Variants in KIF13B observed in about 807,000 individuals in gnomAD.
KIF13B encodes kinesin-like protein KIF13B.
A neutral mutation model predicts 222.0 loss-of-function variants in KIF13B; 127 were observed. That is an observed-to-expected ratio of 0.57 (90% CI 0.50 to 0.66). The LOEUF is 0.66. Ranked by LOEUF, KIF13B falls within the 30% of genes least tolerant of loss-of-function variation. The pLI is 0.00. For synonymous variants in KIF13B, 976 were observed against 919.0 expected (o/e 1.06, Z -1.12); for missense variants, 2,173 against 2,379.0 (o/e 0.91, Z 1.80).
Position 29,137,449 on chromosome 8 carries a change from C to T in KIF13B, c.2613+2614G>A, listed in dbSNP as rs1260714641. Among the ~76,000 whole-genome samples the T allele has an allele frequency of 4.6e-5, 7 of 152,214 alleles. No homozygotes were observed. In the South Asian group the frequency reaches 8.3e-4, roughly 18 times the overall value. ...AGGAGCCCAGGAATGTCTGCAGGCA[C>T]GGATGCTGCGCCCAGGTTTTTAAAT... On this transcript the variant is annotated intron_variant, in intron 21 of 39. Transcript: ENST00000524189.
In KIF13B at chr8:29,147,531, G is replaced by A; in HGVS notation, c.1885C>T (p.Gln629Ter). ...EEEKRSALER[Q>*]RLMYEHELEQ... ...AATTCGTGCTCATACATAAGCCTCT[G>A]GCGCTCCAGTGCAGATCGTTTTTCT... The change falls in exon 17 of 40, where the codon CAG (glutamine) becomes TAG (stop). Residue 629 changes from glutamine (Q) to a stop codon, truncating the protein, a stop_gained. Transcript: ENST00000524189. LOFTEE classifies it high-confidence loss of function. The A allele has an allele frequency of 6.2e-7, 1 of 1,613,728 alleles. No homozygotes were observed. Among genetic ancestry groups the A allele is most frequent in the Non-Finnish European group, 8.5e-7 (1 of 1,179,846 alleles).
At chr8:29,087,965 A>G (rs1031493221) in intron 37 of KIF13B, among the ~76,000 whole-genome samples, 2 of 152,098 alleles carry the variant, frequency 1.3e-5, no homozygotes, top group African/African-American at 4.8e-5. Context: ...TGTATATAAG[A>G]AGATTATACA....
At chr8:29,115,493 A>AT (rs2129656044) in intron 31 of KIF13B, among the ~76,000 whole-genome samples, 2 of 151,750 alleles carry the variant, frequency 1.3e-5, no homozygotes, top group South Asian at 4.2e-4. Flanking sequence ...CACCCAGCTA[A>AT]TTTTGTAGTT....
At chr8:29,227,492 G>A (rs959375764) in intron 2 of KIF13B, among the ~76,000 whole-genome samples, 1 of 152,144 alleles carries the variant, frequency 6.6e-6, no homozygotes, top group Non-Finnish European at 1.5e-5. Context: ...GTTTCACCAT[G>A]TTGGACAGGC....
chr8:29,156,508 A>AT (rs1342615557), intron 13 of KIF13B, among the ~76,000 whole-genome samples: 8 of 150,884 alleles, frequency 5.3e-5, no homozygotes, highest in South Asian at 2.1e-4. Flanking sequence ...TTAGTCACTT[A>AT]TTTTTTATTT....
At chr8:29,135,382 G>T (rs1586825103) in intron 21 of KIF13B, among the ~76,000 whole-genome samples, 1 of 152,118 alleles carries the variant, frequency 6.6e-6, no homozygotes, top group Non-Finnish European at 1.5e-5. Flanking sequence ...GTGATAAACT[G>T]CAATATTCTA....
intron 27 of KIF13B, 132 bp from the exon 28 acceptor site, chr8:29,123,624 C>T (rs562280031): frequency 2.5e-5 from 30 of 1,198,632 alleles, no homozygotes; most frequent in Admixed American, 3.6e-5. Flanking sequence ...AAAAACTAAC[C>T]CACAGCTAGA....
intron 36 of KIF13B, among the ~76,000 whole-genome samples, chr8:29,093,621 T>TC (rs1563693741): frequency 6.6e-6 from 1 of 151,930 alleles, no homozygotes; most frequent in African/African-American, 2.4e-5. Flanking sequence ...TGCACACAAC[T>TC]CCCCCCAGAT....
chr8:29,226,177 A>T (rs1033396915), intron 2 of KIF13B, among the ~76,000 whole-genome samples: 1 of 152,160 alleles, frequency 6.6e-6, no homozygotes, highest in Non-Finnish European at 1.5e-5. Flanking sequence ...GTTCCAGGAA[A>T]AGAGAGAAGG....
chr8:29,073,105 G>A (rs1807384101), intron 38 of KIF13B, among the ~76,000 whole-genome samples: 1 of 88,734 alleles, frequency 1.1e-5, no homozygotes, highest in Non-Finnish European at 2.2e-5. Flanking sequence ...GGAGGGGGAC[G>A]AGGAGGGGGA....
intron 37 of KIF13B, among the ~76,000 whole-genome samples, chr8:29,082,518 T>C (rs1319563148): frequency 6.6e-6 from 1 of 152,048 alleles, no homozygotes; most frequent in Non-Finnish European, 1.5e-5. Flanking sequence ...AGCACACTCC[T>C]GTGGTCCCAG....
At position 29,071,985 on chromosome 8, in the gene KIF13B, G is replaced by A; in HGVS notation, c.4853C>T (p.Ala1618Val). The change falls in exon 39 of 40, where the codon GCC (alanine) becomes GTC (valine). Residue 1618 changes from alanine to valine, a missense_variant. Coordinates refer to ENST00000524189, the MANE Select transcript of KIF13B (RefSeq NM_015254.4). The surrounding 1 kb of genome is among the most constrained non-coding windows in gnomAD (Gnocchi z 4.9). ...SHPPPPTAVPAEEPPGPQQLV... is the reference protein window; with the variant it reads ...SHPPPPTAVPVEEPPGPQQLV... ...CTGCTGGGGGCCAGGGGGCTCCTCG[G>A]CGGGGACGGCCGTGGGCGGTGGGGG... 7.6e-7 allele frequency: 1 copy of A among 1,309,216 alleles called. No individual in the cohort carries two copies. The highest frequency in any genetic ancestry group is 9.7e-7 in the Non-Finnish European group (1 of 1,032,930). 81.1% of individuals were successfully genotyped at this position (1,309,216 alleles called of 1,614,324 possible).
rs1385957045 is a variant in KIF13B at position 29,134,061 on chromosome 8, C to A, written c.2763G>T (p.Met921Ile). Residue 921 changes from methionine to isoleucine, a missense_variant, in exon 22 of 40, where the codon ATG becomes ATT. Transcript: ENST00000524189. The stretch of plus-strand genomic sequence containing the variant: ...TCACATTGCAATGATCAAAGACAAC[C>A]ATGCAGTGCGGCTCCTTGCTGACGG... ...SSSVSKEPHC[M>I]VVFDHCNEFS... is the part of the protein sequence containing the mutation. The A allele has an allele frequency of 6.2e-7, 1 of 1,613,802 alleles. No individual in the cohort carries two copies. The highest frequency in any genetic ancestry group is 2.2e-5 in the East Asian group (1 of 44,884).
chr8:29,180,419 A>C (rs1338894768), intron 7 of KIF13B, among the ~76,000 whole-genome samples, 181 bp from the exon 8 acceptor site: 2 of 152,214 alleles, frequency 1.3e-5, no homozygotes, highest in African/African-American at 4.8e-5. Flanking sequence ...TGTCTCTGAA[A>C]ACTTTCAAAG....
intron 38 of KIF13B, among the ~76,000 whole-genome samples, chr8:29,073,548 G>A: frequency 6.6e-6 from 1 of 152,130 alleles, no homozygotes; most frequent in Non-Finnish European, 1.5e-5. Flanking sequence ...GCAGGAACAG[G>A]GAATGAGATT....
chr8:29,170,535 A>G (rs1374868225), intron 10 of KIF13B, among the ~76,000 whole-genome samples: 1 of 152,196 alleles, frequency 6.6e-6, no homozygotes, highest in Admixed American at 6.5e-5. Flanking sequence ...TCTCACAGAA[A>G]GTGACACTTG....
chr8:29,187,823 G>A (rs1211772359), intron 5 of KIF13B, among the ~76,000 whole-genome samples: 2 of 152,078 alleles, frequency 1.3e-5, no homozygotes, highest in Non-Finnish European at 2.9e-5. Flanking sequence ...TTTGCACATG[G>A]GAACTCGTTA....
intron 1 of KIF13B, among the ~76,000 whole-genome samples, chr8:29,247,360 C>A (rs955003400): frequency 1.3e-5 from 2 of 152,124 alleles, no homozygotes; most frequent in African/African-American, 4.8e-5. Flanking sequence ...TGCACTACAG[C>A]CTGGGCAAAA....
At chr8:29,246,974 T>C (rs755431992) in intron 1 of KIF13B, among the ~76,000 whole-genome samples, 5 of 152,302 alleles carry the variant, frequency 3.3e-5, no homozygotes, top group South Asian at 2.1e-4. Context: ...ATGTAAAAAC[T>C]AAAACTATTA....
Sources: allele counts gnomAD v4.1 joint callset (sites outside exome capture counted in the v4.1 genomes callset), GRCh38; gene constraint gnomAD v4.1.1; non-coding constraint Gnocchi (gnomAD v3.1); transcripts MANE v1.5; gene names NCBI Gene and HGNC (gene_info 2026-07-23, HGNC 2026-07-21).